UBQLN1: variants seen among roughly 807,000 people sequenced by gnomAD.
UBQLN1 encodes the protein ubiquilin-1.
A neutral mutation model predicts 65.4 loss-of-function variants in UBQLN1; 13 were observed. The observed-to-expected ratio is 0.20, with a 90% CI of 0.13 to 0.32. The LOEUF is 0.32. UBQLN1 is among the 10% of genes least tolerant of loss of function. UBQLN1 has a pLI of 1.00. For synonymous variants in UBQLN1, 267 were observed against 247.8 expected (o/e 1.08, Z -0.73); for missense variants, 561 against 724.0 (o/e 0.77, Z 2.58).
At chr9:83,682,862 T>A (rs1285028059) in intron 3 of UBQLN1, 89 bp downstream of exon 3, 4 of 572,872 alleles carry the variant, frequency 7.0e-6, no homozygotes, top group Middle Eastern at 8.0e-4. Flanking sequence ...AGTGACATAA[T>A]GTTTTATTTT....
intron 1 of UBQLN1, among the ~76,000 whole-genome samples, chr9:83,696,481 A>G (rs1026856112): frequency 2.0e-5 from 3 of 152,104 alleles, no homozygotes; most frequent in African/African-American, 4.8e-5. Flanking sequence ...AAAAAACCCA[A>G]TAAGAAAAAT....
rs1831539729 is a variant in UBQLN1, at chr9:83,660,078, A to G, written c.*1709T>C. ...TTGCCAGTACAGAAGTTTTTAAACC[A>G]AACTGAGGCATAAAGCAGAAAGAGC... On this transcript the variant is annotated 3_prime_UTR_variant, in exon 11 of 11. Coordinates refer to ENST00000376395, the MANE Select transcript of UBQLN1 (RefSeq NM_013438.5). 1 of 152,268 alleles carries G rather than the reference A, an allele frequency of 6.6e-6. No homozygotes were observed. The highest frequency in any genetic ancestry group is 6.5e-5 in the Admixed American group (1 of 15,284). 9.4% of individuals were successfully genotyped at this position (152,268 alleles called of 1,614,324 possible).
intron 1 of UBQLN1, among the ~76,000 whole-genome samples, chr9:83,707,094 A>C (rs1338428931): frequency 6.6e-6 from 1 of 152,114 alleles, no homozygotes; most frequent in Non-Finnish European, 1.5e-5. Flanking sequence ...TTAATTCATG[A>C]AACAAAACCG....
At chr9:83,679,340 T>C (rs553237457) in intron 4 of UBQLN1, among the ~76,000 whole-genome samples, 1 of 152,342 alleles carries the variant, frequency 6.6e-6, no homozygotes, top group East Asian at 1.9e-4. Context: ...TTTTATAAAA[T>C]GAGGTGTTGT....
At chr9:83,687,800 T>G (rs1468240370) in intron 1 of UBQLN1, among the ~76,000 whole-genome samples, 1 of 152,142 alleles carries the variant, frequency 6.6e-6, no homozygotes, top group African/African-American at 2.4e-5. Context: ...AAAATCTGTT[T>G]TACCTTTGTC....
intron 1 of UBQLN1, among the ~76,000 whole-genome samples, chr9:83,698,302 A>C (rs922533022): frequency 1.3e-5 from 2 of 152,188 alleles, no homozygotes; most frequent in African/African-American, 4.8e-5. Context: ...ACATCCTGAA[A>C]GCTTTATTAG....
At position 83,670,936 on chromosome 9, in the gene UBQLN1, G is replaced by A. The variant is rs1224432682; in HGVS notation, c.1106-1609C>T. On this transcript the variant is annotated intron_variant, in intron 6 of 10. Coordinates refer to ENST00000376395, the MANE Select transcript of UBQLN1 (RefSeq NM_013438.5). Reference sequence around the variant, plus strand: ...AGTTTTTTCATGGCATTGTAGCAACGCAGTCAGTGTTCATGCTCCACCTCT... The same window carrying A: ...AGTTTTTTCATGGCATTGTAGCAACACAGTCAGTGTTCATGCTCCACCTCT... Among the ~76,000 whole-genome samples, 4 of 152,122 alleles carry A rather than the reference G, an allele frequency of 2.6e-5. 1 individual carries two copies. The highest frequency in any genetic ancestry group is 4.1e-4 in the South Asian group (2 of 4,822).
At position 83,660,247 on chromosome 9, in the gene UBQLN1, G is replaced by A. The variant is rs1831542301; in HGVS notation, c.*1540C>T. 1 of 152,628 alleles carries A rather than the reference G, an allele frequency of 6.6e-6. No individual in the cohort carries two copies. The highest frequency in any genetic ancestry group is 1.5e-5 in the Non-Finnish European group (1 of 68,036). 9.5% of individuals were successfully genotyped at this position (152,628 alleles called of 1,614,324 possible). On this transcript the variant is annotated 3_prime_UTR_variant, in exon 11 of 11. Transcript: ENST00000376395. Reference sequence around the variant, plus strand: ...GGCCTCTTAACCTTTTTAATAGCAAGCAACATACAGAAGTAATGCAATCAA... The same window carrying A: ...GGCCTCTTAACCTTTTTAATAGCAAACAACATACAGAAGTAATGCAATCAA...
intron 6 of UBQLN1, among the ~76,000 whole-genome samples, chr9:83,673,629 GATAA>G (rs1226938580): frequency 7.2e-6 from 1 of 138,544 alleles, no homozygotes; most frequent in African/African-American, 2.7e-5. Flanking sequence ...AAAAATCCAA[GATAA>G]ATATTTTGTG....
rs1457853351 is a variant in UBQLN1, at chr9:83,707,955, C to T, written c.-276G>A. 2 of 481,382 alleles carry T rather than the reference C, an allele frequency of 4.2e-6. No individual in the cohort carries two copies. Among genetic ancestry groups the T allele is most frequent in the Non-Finnish European group, 7.2e-6 (2 of 276,930 alleles). The allele number at this position is 481,382 out of a possible 1,614,324, so 29.8% of individuals were successfully genotyped here. ...TCCGCAGCAGCCACCGCTTCCTCCT[C>T]CCTGCCCCTTCCCCCACGTCCCTTC... On this transcript the variant is annotated 5_prime_UTR_variant, in exon 1 of 11. Transcript: ENST00000376395.
intron 1 of UBQLN1, among the ~76,000 whole-genome samples, chr9:83,690,688 C>T (rs988633078): frequency 2.0e-5 from 3 of 151,496 alleles, no homozygotes; most frequent in Non-Finnish European, 2.9e-5. Flanking sequence ...GAGCTACGAT[C>T]GTGCCACTGC....
chr9:83,702,167 G>C (rs1028606616), intron 1 of UBQLN1, among the ~76,000 whole-genome samples: 6 of 152,172 alleles, frequency 3.9e-5, no homozygotes, highest in Non-Finnish European at 8.8e-5. Context: ...GAGAAACGAA[G>C]GGCAACTGCT....
intron 6 of UBQLN1, among the ~76,000 whole-genome samples, chr9:83,671,490 CATAA>C (rs1831730000): frequency 6.6e-6 from 1 of 152,062 alleles, no homozygotes; most frequent in Non-Finnish European, 1.5e-5. Flanking sequence ...AGTTAACAGG[CATAA>C]AAACAACATT....
chr9:83,678,396 A>C (rs1201760955), intron 5 of UBQLN1, 45 bp downstream of exon 5: 3 of 1,567,494 alleles, frequency 1.9e-6, no homozygotes, highest in Non-Finnish European at 2.6e-6. Context: ...TTTGTGTTAA[A>C]ACAGAAGCTA....
chr9:83,680,009 A>G lies in UBQLN1; in HGVS notation c.477T>C (p.Ser159=). Reference sequence around the variant, plus strand: ...AGTTGGTAGTATTCAAACCCAAGCTACTCAGACCTGCAAGTCCCCCAAGGC... The same window carrying G: ...AGTTGGTAGTATTCAAACCCAAGCTGCTCAGACCTGCAAGTCCCCCAAGGC... ...LGGLGGLAGL[S]SLGLNTTNFS... The change falls in exon 4 of 11, where the codon AGT becomes AGC. Residue 159 remains serine (S), a synonymous_variant. Transcript: ENST00000376395. 4 of 1,613,932 alleles carry G rather than the reference A, an allele frequency of 2.5e-6. No individual in the cohort carries two copies.
intron 1 of UBQLN1, among the ~76,000 whole-genome samples, chr9:83,700,446 A>G (rs1832291985): frequency 6.6e-6 from 1 of 152,242 alleles, no homozygotes; most frequent in South Asian, 2.1e-4. Context: ...TAATTTATTG[A>G]GCCCTAGGCT....
intron 1 of UBQLN1, among the ~76,000 whole-genome samples, chr9:83,692,092 G>GT (rs1455747842): frequency 6.6e-6 from 1 of 151,780 alleles, no homozygotes; most frequent in Non-Finnish European, 1.5e-5. Context: ...AAGCAACTTT[G>GT]TAAGTTTAGC....
intron 1 of UBQLN1, among the ~76,000 whole-genome samples, chr9:83,697,551 C>CAAAAAA (rs750268209): frequency 8.7e-5 from 3 of 34,472 alleles, no homozygotes; most frequent in African/African-American, 2.2e-4. Context: ...GACACTGTCT[C>CAAAAAA]AAAAAAAAAA....
intron 8 of UBQLN1, among the ~76,000 whole-genome samples, chr9:83,665,928 T>C (rs1831636574): frequency 6.6e-6 from 1 of 152,236 alleles, no homozygotes. Flanking sequence ...ATCTACCCCT[T>C]GGGGAAAAAA....
Sources: allele counts gnomAD v4.1 joint callset (sites outside exome capture counted in the v4.1 genomes callset), GRCh38; gene constraint gnomAD v4.1.1; transcripts MANE v1.5; gene names NCBI Gene and HGNC (gene_info 2026-07-23, HGNC 2026-07-21).